Variants in CAAP1 observed in about 807,000 individuals in gnomAD.
The protein encoded by CAAP1 is caspase activity and apoptosis inhibitor 1, also known as conserved anti-apoptotic protein.
A neutral mutation model predicts 34.0 loss-of-function variants in CAAP1; 20 were observed. The observed-to-expected ratio is 0.59, with a 90% CI of 0.41 to 0.86. The LOEUF (loss-of-function observed/expected upper bound fraction) is 0.86. CAAP1 is among the 40% of genes least tolerant of loss of function. The probability of loss-of-function intolerance (pLI) is 0.00; values close to 1 mark genes in which losing one functional copy is unlikely to be tolerated. For missense variants in CAAP1, 538 were observed against 450.5 expected (o/e 1.19, Z -1.76); for synonymous variants, 213 against 166.7 (o/e 1.28, Z -2.14).
At chr9:26,889,106 G>A (rs1823834200) in intron 1 of CAAP1, among the ~76,000 whole-genome samples, 1 of 152,158 alleles carries the variant, frequency 6.6e-6, no homozygotes, top group Admixed American at 6.5e-5. Flanking sequence ...GTTGCTTTCT[G>A]GAGTGATGAA....
chr9:26,878,858 A>G (rs558912227), intron 4 of CAAP1, among the ~76,000 whole-genome samples: 48 of 152,296 alleles, frequency 3.2e-4, no homozygotes, highest in African/African-American at 7.9e-4. Flanking sequence ...CTTCAATGCA[A>G]ATCAATAAGT....
intron 4 of CAAP1, among the ~76,000 whole-genome samples, chr9:26,875,372 T>TGA (rs1393003883): frequency 1.3e-5 from 2 of 151,980 alleles, no homozygotes; most frequent in Non-Finnish European, 2.9e-5. Flanking sequence ...GGCAACAGAG[T>TGA]GAGACCCTGT....
At chr9:26,855,428 C>T (rs896739294) in intron 5 of CAAP1, among the ~76,000 whole-genome samples, 1 of 152,072 alleles carries the variant, frequency 6.6e-6, no homozygotes, top group South Asian at 2.1e-4. Context: ...ATAAAATTAT[C>T]AAAACCCACA....
intron 1 of CAAP1, among the ~76,000 whole-genome samples, chr9:26,888,584 A>G (rs1823813017): frequency 6.6e-6 from 1 of 152,248 alleles, no homozygotes; most frequent in African/African-American, 2.4e-5. Flanking sequence ...CTGAAAAAGT[A>G]AAAGAATCAG....
At chr9:26,842,734 G>C (rs1822510886) in intron 5 of CAAP1, 87 bp from the exon 6 acceptor site, 3 of 1,097,184 alleles carry the variant, frequency 2.7e-6, no homozygotes, top group Admixed American at 2.5e-5. Context: ...AAACTGCTTT[G>C]ATCCCACCTC....
intron 4 of CAAP1, among the ~76,000 whole-genome samples, chr9:26,866,090 G>A (rs1256788139): frequency 6.6e-6 from 1 of 152,068 alleles, no homozygotes; most frequent in African/African-American, 2.4e-5. Flanking sequence ...CAAGTGATCT[G>A]CCCACCTTGG....
intron 5 of CAAP1, among the ~76,000 whole-genome samples, chr9:26,854,168 TG>T (rs1028651422): frequency 3.1e-4 from 47 of 152,336 alleles, no homozygotes; most frequent in African/African-American, 7.7e-4. Context: ...TTACAAGGGC[TG>T]ATACTTTTGA....
chr9:26,892,366 C>G (rs761605903), intron 1 of CAAP1, 47 bp downstream of exon 1: 4 of 1,594,610 alleles, frequency 2.5e-6, no homozygotes, highest in Non-Finnish European at 3.4e-6. Flanking sequence ...CGACTTCTTC[C>G]GAAAAAGCAG....
chr9:26,843,453 TTTTG>T, intron 5 of CAAP1, among the ~76,000 whole-genome samples: 1 of 152,176 alleles, frequency 6.6e-6, no homozygotes. Flanking sequence ...TGAATATGTT[TTTTG>T]TGTGTTTTTC....
At chr9:26,857,984 CTT>C (rs780752942) in intron 5 of CAAP1, among the ~76,000 whole-genome samples, 2 of 152,132 alleles carry the variant, frequency 1.3e-5, no homozygotes, top group African/African-American at 2.4e-5. Context: ...ATTTAAATAA[CTT>C]ATATACCATT....
At position 26,857,720 on chromosome 9, in the gene CAAP1, T is replaced by G. The variant is rs561653424; in HGVS notation, c.739+3346A>C. On this transcript the variant is annotated intron_variant, in intron 5 of 5. Transcript: ENST00000333916. ...CAATCATTGAACCAATAGATTATAT[T>G]TACATTTAAATAACATTTTCACTGT... 2.0e-5 allele frequency among the ~76,000 whole-genome samples: 3 copies of G among 152,350 alleles called. No individual in the cohort carries two copies. In the East Asian group the frequency reaches 5.8e-4, roughly 29 times the overall value.
intron 4 of CAAP1, among the ~76,000 whole-genome samples, chr9:26,881,453 T>C (rs547267049): frequency 1.7e-4 from 26 of 152,340 alleles, no homozygotes; most frequent in African/African-American, 6.0e-4. Context: ...CCCATACTCT[T>C]CTGGTGGAAG....
At chr9:26,881,536 C>G (rs1297317838) in intron 4 of CAAP1, among the ~76,000 whole-genome samples, 2 of 152,194 alleles carry the variant, frequency 1.3e-5, no homozygotes, top group Non-Finnish European at 1.5e-5. Flanking sequence ...TCTCTTGCTG[C>G]CGCCATATAA....
At position 26,841,111 on chromosome 9, in the gene CAAP1, A is replaced by G. The variant is rs1347687725; in HGVS notation, c.*1190T>C. 6.6e-6 allele frequency: 1 copy of G among 152,190 alleles called. No individual in the cohort carries two copies. The highest frequency in any genetic ancestry group is 1.5e-5 in the Non-Finnish European group (1 of 68,004). 9.4% of individuals were successfully genotyped at this position (152,190 alleles called of 1,614,324 possible). ...CATTTAAAAACTCTCTAAAATTAAC[A>G]TAATTAAAGCAGCTAATAAAACACA... On this transcript the variant is annotated 3_prime_UTR_variant, in exon 6 of 6. Coordinates refer to ENST00000333916, the MANE Select transcript of CAAP1 (RefSeq NM_024828.4).
At chr9:26,873,206 C>T (rs887341245) in intron 4 of CAAP1, among the ~76,000 whole-genome samples, 2 of 152,214 alleles carry the variant, frequency 1.3e-5, no homozygotes, top group African/African-American at 4.8e-5. Flanking sequence ...TGAGCCAATG[C>T]ACTCCAGCCA....
At chr9:26,852,394 G>A (rs1036211921) in intron 5 of CAAP1, among the ~76,000 whole-genome samples, 11 of 151,960 alleles carry the variant, frequency 7.2e-5, no homozygotes, top group African/African-American at 2.7e-4. Context: ...GGCGGAGGCT[G>A]CAGTGAGCTG....
At chr9:26,871,312 T>C (rs1013853332) in intron 4 of CAAP1, among the ~76,000 whole-genome samples, 2 of 152,134 alleles carry the variant, frequency 1.3e-5, no homozygotes, top group African/African-American at 4.8e-5. Flanking sequence ...GCGCAGTGGC[T>C]CATGCCTGTA....
intron 4 of CAAP1, among the ~76,000 whole-genome samples, chr9:26,877,552 G>C (rs1277860972): frequency 1.3e-5 from 2 of 152,074 alleles, no homozygotes; most frequent in Non-Finnish European, 2.9e-5. Flanking sequence ...ATGGTATCTT[G>C]ACCAAGTATA....
chr9:26,860,465 A>G (rs1471866654), intron 5 of CAAP1, among the ~76,000 whole-genome samples: 1 of 152,196 alleles, frequency 6.6e-6, no homozygotes, highest in Non-Finnish European at 1.5e-5. Flanking sequence ...CCCAGTTAAC[A>G]TATCTCCAAT....
Sources: allele counts gnomAD v4.1 joint callset (sites outside exome capture counted in the v4.1 genomes callset), GRCh38; gene constraint gnomAD v4.1.1; transcripts MANE v1.5; gene names NCBI Gene and HGNC (gene_info 2026-07-23, HGNC 2026-07-21).